The following FOXN3 variants were observed in gnomAD, a reference collection of about 807,000 sequenced individuals.
FOXN3 encodes the protein forkhead box protein N3.
Under a neutral mutation model 38.4 loss-of-function variants are expected in FOXN3, and 7 were observed. The observed-to-expected ratio is 0.18, with a 90% confidence interval of 0.10 to 0.34. The LOEUF is 0.34. FOXN3 is among the 10% of genes least tolerant of loss of function. The pLI is 1.00. For synonymous variants in FOXN3, 230 were observed against 242.2 expected, an observed-to-expected ratio of 0.95 and a Z score of 0.47; for missense variants, 456 against 613.4, an observed-to-expected ratio of 0.74 and a Z score of 2.71.
chr14:89,472,423 T>C (rs2139746912), intron 1 of FOXN3, among the ~76,000 whole-genome samples: 1 of 151,382 alleles, frequency 6.6e-6, no homozygotes, highest in South Asian at 2.1e-4. Context: ...TTAATTGCAT[T>C]AAGATAGATT....
chr14:89,325,906 G>A (rs1888070070), intron 3 of FOXN3, among the ~76,000 whole-genome samples: 1 of 152,228 alleles, frequency 6.6e-6, no homozygotes, highest in South Asian at 2.1e-4. Flanking sequence ...TAGCATGGCT[G>A]CACTCTCAAC....
At chr14:89,477,233 C>T (rs1287536760) in intron 1 of FOXN3, among the ~76,000 whole-genome samples, 1 of 152,146 alleles carries the variant, frequency 6.6e-6, no homozygotes, top group East Asian at 1.9e-4. Flanking sequence ...CTGCCTCCCA[C>T]ACAGAAGCTC....
At position 89,375,679 on chromosome 14, in the gene FOXN3, T is replaced by G. The variant is rs568034509; in HGVS notation, c.544-24871A>C. Reference sequence around the variant, plus strand: ...TAAGAAAAAACTCAGTAACATTAAATGTGAATTGGCAATAGCAATATAAAT... The same window carrying G: ...TAAGAAAAAACTCAGTAACATTAAAGGTGAATTGGCAATAGCAATATAAAT... On this transcript the variant is annotated intron_variant, in intron 2 of 5. Coordinates refer to ENST00000557258, the MANE Select transcript of FOXN3 (RefSeq NM_005197.4). Among the ~76,000 whole-genome samples the G allele has an allele frequency of 5.3e-5, 8 of 152,354 alleles. No homozygotes were observed. In the South Asian group the frequency reaches 1.0e-3, roughly 20 times the overall value.
Position 89,533,499 on chromosome 14 carries a change from T to C in FOXN3, c.-15+85529A>G, listed in dbSNP as rs151095032. Among the ~76,000 whole-genome samples, 87 of 152,006 alleles carry C rather than the reference T, an allele frequency of 5.7e-4. 1 individual carries two copies. Among genetic ancestry groups the C allele is most frequent in the African/African-American group, 2.1e-3 (86 of 41,474 alleles). Reference sequence around the variant, plus strand: ...TAACAGGGTGAAACCTCGTCTCTACTAAAAATACAGAAAATTAGCCGGGCA... The same window carrying C: ...TAACAGGGTGAAACCTCGTCTCTACCAAAAATACAGAAAATTAGCCGGGCA... On this transcript the variant is annotated intron_variant, in intron 1 of 6. Coordinates refer to the FOXN3 transcript ENST00000345097.
chr14:89,551,247 C>T (rs1357920465), intron 1 of FOXN3, among the ~76,000 whole-genome samples: 2 of 152,200 alleles, frequency 1.3e-5, no homozygotes, highest in Non-Finnish European at 2.9e-5. Flanking sequence ...TTACACGGGG[C>T]ACCCGACTGT....
chr14:89,241,202 C>G (rs1040353021), intron 4 of FOXN3, among the ~76,000 whole-genome samples: 1 of 152,210 alleles, frequency 6.6e-6, no homozygotes, highest in African/African-American at 2.4e-5. Context: ...AAGTGCAACC[C>G]AAACGTTTAG....
intron 4 of FOXN3, among the ~76,000 whole-genome samples, chr14:89,280,163 CA>C (rs1175631329): frequency 6.6e-6 from 1 of 152,240 alleles, no homozygotes; most frequent in East Asian, 1.9e-4. Flanking sequence ...GGGAACCACT[CA>C]ATTCCATTTT....
At chr14:89,350,453 G>GA in intron 3 of FOXN3, 1 of 387,356 alleles carries the variant, frequency 2.6e-6, no homozygotes, top group Non-Finnish European at 4.6e-6. Context: ...CACCCACCAT[G>GA]AAGCCTTCTG....
At chr14:89,527,043 A>G (rs407598) in intron 1 of FOXN3, among the ~76,000 whole-genome samples, 95,550 of 149,548 alleles carry the variant, frequency 0.64, 30,808 homozygotes, top group East Asian at 0.83. Flanking sequence ...AAAGGAGGAT[A>G]GGGAGGGGAG....
intron 1 of FOXN3, among the ~76,000 whole-genome samples, chr14:89,505,598 G>A (rs1002599199): frequency 3.9e-5 from 6 of 152,140 alleles, no homozygotes; most frequent in African/African-American, 1.4e-4. Flanking sequence ...CCAGGCTGGA[G>A]TGCAGTGGCG....
chr14:89,342,076 T>C (rs991161466), intron 3 of FOXN3, among the ~76,000 whole-genome samples: 39 of 152,368 alleles, frequency 2.6e-4, no homozygotes, highest in South Asian at 2.5e-3. Context: ...AATTTATCTG[T>C]AGTAGACTTA....
At chr14:89,284,089 G>C (rs892157948) in intron 3 of FOXN3, among the ~76,000 whole-genome samples, 1 of 152,128 alleles carries the variant, frequency 6.6e-6, no homozygotes, top group African/African-American at 2.4e-5. Context: ...GGTTGGTCTC[G>C]AACTCCTGAC....
rs549285689 is a variant in FOXN3, at chr14:89,579,798, A to T, written c.-15+39230T>A. On this transcript the variant is annotated intron_variant, in intron 1 of 6. Coordinates refer to the FOXN3 transcript ENST00000345097. ...TTTTTTTACCCTGCATGATTATCTC[A>T]CACCCCATAGTATCTTGTATATTTA... is the stretch of plus-strand genomic sequence containing the variant. 7.2e-5 allele frequency among the ~76,000 whole-genome samples: 11 copies of T among 152,060 alleles called. No individual in the cohort carries two copies. The East Asian group carries it at 2.1e-3, about 29-fold the overall frequency.
At chr14:89,474,199 A>G (rs746464854) in intron 1 of FOXN3, among the ~76,000 whole-genome samples, 4 of 152,218 alleles carry the variant, frequency 2.6e-5, no homozygotes, top group Admixed American at 6.5e-5. Context: ...AGTGGCCAAA[A>G]TAACTATACC....
intron 4 of FOXN3, among the ~76,000 whole-genome samples, chr14:89,267,205 C>T (rs1886010926): frequency 6.6e-6 from 1 of 152,152 alleles, no homozygotes. Context: ...ACAGTGGGTT[C>T]TCAGGGTAGA....
At chr14:89,185,693 T>C (rs1887786907) in intron 4 of FOXN3, 1 of 152,228 alleles carries the variant, frequency 6.6e-6, no homozygotes, top group African/African-American at 2.4e-5. Flanking sequence ...TATTTATCTT[T>C]TAGATGAGAG....
chr14:89,354,508 T>A (rs1402665681), intron 2 of FOXN3, among the ~76,000 whole-genome samples: 4 of 138,658 alleles, frequency 2.9e-5, no homozygotes, highest in Non-Finnish European at 4.6e-5. Context: ...ATTACAGGCG[T>A]GAGCCACTGC....
At chr14:89,291,774 A>T (rs998619431) in intron 3 of FOXN3, among the ~76,000 whole-genome samples, 4 of 152,144 alleles carry the variant, frequency 2.6e-5, no homozygotes, top group African/African-American at 7.2e-5. Context: ...ACTGCGATTG[A>T]CCTACGGCCG....
At chr14:89,610,338 G>A (rs753164618) in intron 1 of FOXN3, among the ~76,000 whole-genome samples, 1 of 152,148 alleles carries the variant, frequency 6.6e-6, no homozygotes, top group Non-Finnish European at 1.5e-5. Flanking sequence ...GGATCAACAC[G>A]CCCTGAGAGC....
Sources: gnomAD v4.1 joint callset for allele counts (sites outside exome capture counted in the v4.1 genomes callset) on GRCh38, gnomAD v4.1.1 for gene constraint, MANE v1.5 for transcripts, NCBI Gene and HGNC (gene_info 2026-07-23, HGNC 2026-07-21) for gene names.